The following ASB1 variants were observed in gnomAD, a reference collection of about 807,000 sequenced individuals.
ASB1 encodes the protein ankyrin repeat and SOCS box protein 1.
ASB1 carries 18 observed loss-of-function variants against 27.7 expected under a neutral mutation model. That is an observed-to-expected ratio of 0.65 (90% CI 0.45 to 0.96). The LOEUF (loss-of-function observed/expected upper bound fraction) is 0.96. ASB1 is among the 50% of genes least tolerant of loss of function. ASB1 has a pLI of 0.00. For synonymous variants in ASB1, 189 were observed against 187.6 expected (o/e 1.01, Z -0.06); for missense variants, 397 against 451.7 (o/e 0.88, Z 1.10).
chr2:238,436,032 G>T lies in ASB1; in HGVS notation c.494+19G>T, dbSNP rs376977200. On this transcript the variant is annotated intron_variant, in intron 3 of 4. Coordinates refer to ENST00000264607, the MANE Select transcript of ASB1 (RefSeq NM_001040445.3). Reference sequence around the variant, plus strand: ...TCATCAGGCCAGTACTGTGGAGCTCGCCTGGCTCCTGCAGCCACTTTATTT... The same window carrying T: ...TCATCAGGCCAGTACTGTGGAGCTCTCCTGGCTCCTGCAGCCACTTTATTT... The T allele has an allele frequency of 6.4e-6, 10 of 1,557,866 alleles. No homozygotes were observed. The highest frequency in any genetic ancestry group is 6.9e-6 in the Non-Finnish European group (8 of 1,154,382).
chr2:238,433,777 G>C, intron 2 of ASB1, 82 bp downstream of exon 2: 2 of 1,498,296 alleles, frequency 1.3e-6, no homozygotes, highest in Non-Finnish European at 1.8e-6. Flanking sequence ...TCGCTGTGCA[G>C]ATGAAGACCT....
At chr2:238,445,465 C>G (rs1272579321) in intron 4 of ASB1, among the ~76,000 whole-genome samples, 1 of 152,158 alleles carries the variant, frequency 6.6e-6, no homozygotes, top group Non-Finnish European at 1.5e-5. Context: ...TGTGATAAGC[C>G]TAAATTTTGT....
intron 2 of ASB1, chr2:238,435,361 T>G (rs1221001661): frequency 2.3e-5 from 6 of 262,392 alleles, no homozygotes; most frequent in Non-Finnish European, 3.7e-5. Context: ...CCCGGGCGAG[T>G]GCGCTGTTCA....
intron 1 of ASB1, among the ~76,000 whole-genome samples, chr2:238,429,426 A>G (rs1292581546): frequency 2.0e-5 from 3 of 152,196 alleles, no homozygotes; most frequent in East Asian, 1.9e-4. Flanking sequence ...CCTAATAAGT[A>G]TCTGATTGTA....
chr2:238,438,268 C>T (rs1424924245), intron 3 of ASB1, among the ~76,000 whole-genome samples: 2 of 135,904 alleles, frequency 1.5e-5, no homozygotes, highest in South Asian at 2.4e-4. Flanking sequence ...GGCGCTATCT[C>T]GGTTCACTGC....
intron 1 of ASB1, among the ~76,000 whole-genome samples, chr2:238,430,021 A>G (rs1701838421): frequency 6.6e-6 from 1 of 152,158 alleles, no homozygotes; most frequent in Non-Finnish European, 1.5e-5. Context: ...TATTGCTGAA[A>G]AATGCTAACC....
chr2:238,444,215 T>C, intron 3 of ASB1, 127 bp from the exon 4 acceptor site: 1 of 1,015,024 alleles, frequency 9.9e-7, no homozygotes, highest in Non-Finnish European at 1.4e-6. Flanking sequence ...TGGAGTCTCC[T>C]ACAGCGCCTG....
At chr2:238,429,920 A>G (rs1201072723) in intron 1 of ASB1, among the ~76,000 whole-genome samples, 3 of 143,780 alleles carry the variant, frequency 2.1e-5, no homozygotes, top group East Asian at 2.0e-4. Flanking sequence ...CCTGGGCCAC[A>G]GAGTGAGACT....
At chr2:238,438,850 G>A (rs1467560494) in intron 3 of ASB1, among the ~76,000 whole-genome samples, 1 of 152,202 alleles carries the variant, frequency 6.6e-6, no homozygotes, top group Non-Finnish European at 1.5e-5. Flanking sequence ...AAGGTACAGA[G>A]TGGTATTTCT....
chr2:238,427,102 C>G lies in ASB1; in HGVS notation c.32C>G (p.Ala11Gly), dbSNP rs372433030. ...GAGGGCGGCAGCCCAGACGGGCGGG[C>G]AGGGCCGGGCTCCGCAGGTAACGTG... MAEGGSPDGR[A>G]GPGSAGRNLK... The change falls in exon 1 of 5, where the codon GCA (alanine) becomes GGA (glycine). Residue 11 changes from alanine (A) to glycine (G), a missense_variant. By Grantham distance (60) the Ala-to-Gly change is moderately conservative. Transcript: ENST00000264607. 5.9e-5 allele frequency: 74 copies of G among 1,259,060 alleles called. No homozygotes were observed. The South Asian group carries it at 1.3e-3, about 23-fold the overall frequency. 78.0% of individuals were successfully genotyped at this position (1,259,060 alleles called of 1,614,324 possible). A position where few individuals can be genotyped will look rare whatever the true frequency, so the allele number is the denominator to read the frequency against.
At chr2:238,428,133 G>A (rs1701797709) in intron 1 of ASB1, among the ~76,000 whole-genome samples, 1 of 152,198 alleles carries the variant, frequency 6.6e-6, no homozygotes, top group African/African-American at 2.4e-5. Flanking sequence ...CGTTGACTTT[G>A]ACTTCAGAGA....
rs576765394 is a variant in ASB1 at position 238,444,570 on chromosome 2, T to C, written c.723T>C (p.Asp241=). Residue 241 remains aspartate (D), a synonymous_variant, in exon 4 of 5, where the codon GAT becomes GAC. Transcript: ENST00000264607. ...GGGGCTCCCCTGGGTGCGTCATGGA[T>C]GCTGTTCTGCGCCACGGCTGTGAGG... is the stretch of plus-strand genomic sequence containing the variant. ...FYRGSPGCVM[D]AVLRHGCEAA... is the part of the protein sequence containing the mutation. 2.6e-5 allele frequency: 42 copies of C among 1,614,228 alleles called. No homozygotes were observed. The South Asian group carries it at 4.6e-4, about 18-fold the overall frequency.
intron 3 of ASB1, among the ~76,000 whole-genome samples, chr2:238,437,983 G>A (rs974632442): frequency 4.6e-5 from 7 of 152,086 alleles, no homozygotes; most frequent in African/African-American, 1.7e-4. Flanking sequence ...CTCTTTTTAA[G>A]GATTTCTAAC....
At chr2:238,444,757 T>G in intron 4 of ASB1, 30 bp downstream of exon 4, 17 of 1,549,840 alleles carry the variant, frequency 1.1e-5, no homozygotes, top group Non-Finnish European at 1.5e-5. Context: ...CTCTGACTTG[T>G]GGGCTGGGTT....
Position 238,446,659 on chromosome 2 carries a change from C to T in ASB1, c.*148C>T, listed in dbSNP as rs1435227898. The T allele has an allele frequency of 3.0e-6, 3 of 1,016,430 alleles. No individual in the cohort carries two copies. The highest frequency in any genetic ancestry group is 2.5e-5 in the East Asian group (1 of 40,596). The allele number at this position is 1,016,430 out of a possible 1,614,324, so 63.0% of individuals were successfully genotyped here. A position where few individuals can be genotyped will look rare whatever the true frequency, so the allele number is the denominator to read the frequency against. On this transcript the variant is annotated 3_prime_UTR_variant, in exon 5 of 5. Transcript: ENST00000264607. Reference sequence around the variant, plus strand: ...GTAGACTGTCATTGCTCCTCAGGTGCCTGGGCCGCTGAACAGTCCTTGGGT... The same window carrying T: ...GTAGACTGTCATTGCTCCTCAGGTGTCTGGGCCGCTGAACAGTCCTTGGGT...
Position 238,446,622 on chromosome 2 carries a change from G to A in ASB1, c.*111G>A, listed in dbSNP as rs1702186366. On this transcript the variant is annotated 3_prime_UTR_variant, in exon 5 of 5. Transcript: ENST00000264607. ...TGGTCTCCTGATGGCTGTTGCTGCA[G>A]AAGATGTCCTCGTAGACTGTCATTG... 1 of 1,407,758 alleles carries A rather than the reference G, an allele frequency of 7.1e-7. No individual in the cohort carries two copies. Among genetic ancestry groups the A allele is most frequent in the Non-Finnish European group, 9.9e-7 (1 of 1,008,144 alleles). The allele number at this position is 1,407,758 out of a possible 1,614,324, so 87.2% of individuals were successfully genotyped here.
At position 238,448,431 on chromosome 2, in the gene ASB1, A is replaced by G; in HGVS notation, c.*1920A>G. 6.6e-6 allele frequency: 1 copy of G among 152,286 alleles called. No individual in the cohort carries two copies. The highest frequency in any genetic ancestry group is 1.5e-5 in the Non-Finnish European group (1 of 68,054). The allele number at this position is 152,286 out of a possible 1,614,324, so 9.4% of individuals were successfully genotyped here. Reference sequence around the variant, plus strand: ...GTAGGGCTGATAGGGGCTTTCAGGGAGGCTGGTTAGCTCCCTGCACTCTGG... The same window carrying G: ...GTAGGGCTGATAGGGGCTTTCAGGGGGGCTGGTTAGCTCCCTGCACTCTGG... On this transcript the variant is annotated 3_prime_UTR_variant, in exon 5 of 5. Coordinates refer to ENST00000264607, the MANE Select transcript of ASB1 (RefSeq NM_001040445.3).
In ASB1 at chr2:238,435,725, AGTCT is replaced by A. The variant is rs1664833374; in HGVS notation, c.212_215del (p.Val71GlyfsTer38). On this transcript the variant is annotated frameshift_variant, in exon 3 of 5. Coordinates refer to ENST00000264607, the MANE Select transcript of ASB1 (RefSeq NM_001040445.3). LOFTEE classifies it high-confidence loss of function. ...TCCTCCTGCAGCCGCATCAACGAGA[AGTCT>A]GTCTGGTGCTGTGGCTGGCTCCCCT... 1.2e-6 allele frequency: 2 copies of A among 1,612,808 alleles called. No individual in the cohort carries two copies. Among genetic ancestry groups the A allele is most frequent in the Non-Finnish European group, 1.7e-6 (2 of 1,179,228 alleles).
At chr2:238,444,285 A>G in intron 3 of ASB1, 57 bp from the exon 4 acceptor site, 1 of 1,539,240 alleles carries the variant, frequency 6.5e-7, no homozygotes, top group Non-Finnish European at 8.8e-7. Context: ...GATCTGTGGG[A>G]TCTGTGGGCT....
Sources: allele counts gnomAD v4.1 joint callset (sites outside exome capture counted in the v4.1 genomes callset), GRCh38; gene constraint gnomAD v4.1.1; transcripts MANE v1.5; gene names NCBI Gene and HGNC (gene_info 2026-07-23, HGNC 2026-07-21).